Variants in IQSEC2 observed in about 807,000 individuals in gnomAD.
IQSEC2 encodes the protein IQ motif and Sec7 domain ArfGEF 2.
A neutral mutation model predicts 74.6 loss-of-function variants in IQSEC2; 6 were observed. The ratio of observed to expected loss-of-function variants is 0.08; its 90% CI spans 0.04 to 0.16. The LOEUF (loss-of-function observed/expected upper bound fraction) is 0.16. Among genes scored for constraint, IQSEC2 ranks in the 10% least tolerant of loss-of-function variants. IQSEC2 has a pLI of 1.00. For synonymous variants in IQSEC2, 494 were observed against 544.5 expected, an observed-to-expected ratio of 0.91 and a Z score of 1.29; for missense variants, 734 against 1,306.2, an observed-to-expected ratio of 0.56 and a Z score of 6.75.
intron 2 of IQSEC2, among the ~76,000 whole-genome samples, chrX:53,280,625 G>A (rs1343594520): frequency 9.1e-6 from 1 of 110,461 alleles, no homozygotes; most frequent in Non-Finnish European, 1.9e-5. Flanking sequence ...CCCACCCCAA[G>A]GCGGGGCCCA....
At chrX:53,279,963 A>AGG in intron 2 of IQSEC2, among the ~76,000 whole-genome samples, 1 of 106,749 alleles carries the variant, frequency 9.4e-6, no homozygotes, top group African/African-American at 3.4e-5. Context: ...GGAAGGAAGA[A>AGG]AAAAAGAAAA....
chrX:53,277,684 A>T (rs981548562), intron 2 of IQSEC2, among the ~76,000 whole-genome samples: 1 of 111,026 alleles, frequency 9.0e-6, no homozygotes, highest in Non-Finnish European at 1.9e-5. Flanking sequence ...ATTTTATTTT[A>T]TTTTGAGACG....
At position 53,232,922 on chromosome X, in the gene IQSEC2, C is replaced by T. The variant is rs1285805722; in HGVS notation, c.*1297G>A. On this transcript the variant is annotated 3_prime_UTR_variant, in exon 15 of 15. Transcript: ENST00000642864. ...GGCATCAAATATACATTCTTATATA[C>T]AAGGAGGAAAAAAGACAATGCCTGA... 1 of 111,529 alleles carries T rather than the reference C, an allele frequency of 9.0e-6. No individual in the cohort carries two copies. The highest frequency in any genetic ancestry group is 1.9e-5 in the Non-Finnish European group (1 of 53,007). 9.2% of individuals were successfully genotyped at this position (111,529 alleles called of 1,213,427 possible).
At chrX:53,235,719 C>G (rs1383208687) in intron 14 of IQSEC2, 64 bp downstream of exon 14, 1 of 1,114,764 alleles carries the variant, frequency 9.0e-7, no homozygotes, top group Non-Finnish European at 1.2e-6. Flanking sequence ...CCCTCCTCCT[C>G]TGGGTCTCCA....
chrX:53,243,309 C>A (rs1198745241), intron 9 of IQSEC2, 23 bp downstream of exon 9: 1 of 1,156,464 alleles, frequency 8.6e-7, no homozygotes, highest in African/African-American at 1.8e-5. Flanking sequence ...CCTGGCCCCT[C>A]TGCAGCCTCC....
chrX:53,240,202 G>A (rs782177486), intron 10 of IQSEC2, among the ~76,000 whole-genome samples: 3 of 112,154 alleles, frequency 2.7e-5, no homozygotes, highest in Non-Finnish European at 3.8e-5. Flanking sequence ...AGGGAGCATG[G>A]AAATACTTCG....
At chrX:53,263,712 T>C (rs1276130815) in intron 2 of IQSEC2, among the ~76,000 whole-genome samples, 1 of 111,767 alleles carries the variant, frequency 8.9e-6, no homozygotes, top group Non-Finnish European at 1.9e-5. Flanking sequence ...GGGAAGTCAA[T>C]GCTGACTCAC....
Position 53,234,761 on chromosome X carries a change from G to A in IQSEC2, c.3925C>T (p.Pro1309Ser). 8.9e-7 allele frequency: 1 copy of A among 1,121,478 alleles called. No individual in the cohort carries two copies. Among genetic ancestry groups the A allele is most frequent in the Non-Finnish European group, 1.2e-6 (1 of 850,500 alleles). 92.4% of individuals were successfully genotyped at this position (1,121,478 alleles called of 1,213,427 possible). ...CCCACAGGTGGGGCTGAGGCGGGAG[G>A]CGGTGGAATGGAGCCCAGCTGGGGC... ...PLPQLGSIPP[P>S]PASAPPVGPH... The change falls in exon 15 of 15, where the codon CCT becomes TCT. Residue 1309 changes from proline to serine, a missense_variant. Around this residue, in one of 12 missense-constraint regions of IQSEC2, gnomAD observed 249 missense variants for 467.9 expected, o/e 0.53. Coordinates refer to ENST00000642864, the MANE Select transcript of IQSEC2 (RefSeq NM_001111125.3).
At chrX:53,307,795 C>T (rs781860447) in intron 1 of IQSEC2, among the ~76,000 whole-genome samples, 5 of 102,549 alleles carry the variant, frequency 4.9e-5, no homozygotes, top group African/African-American at 7.2e-5. Context: ...CCCAGCTATT[C>T]GGGAGGCTGA....
chrX:53,279,351 A>C, intron 2 of IQSEC2: 1 of 404,535 alleles, frequency 2.5e-6, no homozygotes, highest in South Asian at 4.9e-5. Context: ...GCAGGTCTCT[A>C]GGGAAGGATT....
At chrX:53,264,867 T>C (rs1231897307) in intron 2 of IQSEC2, among the ~76,000 whole-genome samples, 2 of 107,655 alleles carry the variant, frequency 1.9e-5, no homozygotes, top group Non-Finnish European at 3.8e-5. Flanking sequence ...GGATTTCTCA[T>C]CTCTCATCTC....
intron 2 of IQSEC2, among the ~76,000 whole-genome samples, chrX:53,278,600 C>T (rs1002687613): frequency 5.4e-5 from 6 of 111,341 alleles, no homozygotes; most frequent in African/African-American, 2.0e-4. Context: ...AATAATTAGT[C>T]CATTTAATTT....
intron 1 of IQSEC2, among the ~76,000 whole-genome samples, chrX:53,315,623 C>A (rs1193376079): frequency 8.9e-6 from 1 of 111,887 alleles, no homozygotes. Context: ...AATATCTACA[C>A]GAGAGGATTC....
rs1569305584 is a variant in IQSEC2, at chrX:53,254,854, G to C, written c.1077C>G (p.Arg359=). The change falls in exon 4 of 15, where the codon CGC becomes CGG. Residue 359 remains arginine (R), a synonymous_variant. Transcript: ENST00000642864. ...CAAAGTTCTTGTTCATGCGGTACTGGCGGAAGGCTGTCTGGATGGTCCTGG... is the reference window on the plus strand; with the variant it reads ...CAAAGTTCTTGTTCATGCGGTACTGCCGGAAGGCTGTCTGGATGGTCCTGG... The part of the protein sequence containing the change: ...RAARTIQTAF[R]QYRMNKNFER... 1 of 1,209,674 alleles carries C rather than the reference G, an allele frequency of 8.3e-7. No homozygotes were observed. Among genetic ancestry groups the C allele is most frequent in the East Asian group, 3.0e-5 (1 of 33,779 alleles).
downstream of IQSEC2, among the ~76,000 whole-genome samples, chrX:53,232,236 A>G (rs2074067888): frequency 8.9e-6 from 1 of 111,802 alleles, no homozygotes; most frequent in Non-Finnish European, 1.9e-5. Flanking sequence ...CCTTCTCTGT[A>G]AACGAAAGGG....
intron 8 of IQSEC2, among the ~76,000 whole-genome samples, chrX:53,244,180 C>T (rs2074266539): frequency 9.6e-6 from 1 of 103,914 alleles, no homozygotes; most frequent in Admixed American, 1.1e-4. Flanking sequence ...CGCGCCACTG[C>T]ACTCCAGCCT....
chrX:53,289,173 A>ACACGCATGCATTG (rs6151305), intron 2 of IQSEC2, among the ~76,000 whole-genome samples: 1 of 108,414 alleles, frequency 9.2e-6, no homozygotes, highest in Non-Finnish European at 1.9e-5. Context: ...CCCCCTCCAC[A>ACACGCATGCATTG]CACACATGAA....
chrX:53,236,581 T>C, intron 12 of IQSEC2, 86 bp from the exon 13 acceptor site: 1 of 997,789 alleles, frequency 1.0e-6, no homozygotes, highest in Non-Finnish European at 1.4e-6. Flanking sequence ...CCATGGGCCA[T>C]TCTCCTTCCT....
intron 2 of IQSEC2, among the ~76,000 whole-genome samples, chrX:53,286,935 G>A (rs1163658748): frequency 2.6e-5 from 1 of 38,773 alleles, no homozygotes; most frequent in Non-Finnish European, 5.1e-5. Flanking sequence ...GCAAGTATCC[G>A]GCTCAAAAAA....
Sources: gnomAD v4.1 joint callset for allele counts (sites outside exome capture counted in the v4.1 genomes callset) on GRCh38, gnomAD v4.1.1 for gene constraint, gnomAD v4.1.1 regional missense constraint, MANE v1.5 for transcripts, NCBI Gene and HGNC (gene_info 2026-07-23, HGNC 2026-07-21) for gene names.